GUCY1A2: variants seen among roughly 807,000 people sequenced by gnomAD.
GUCY1A2 encodes the protein guanylate cyclase soluble subunit alpha-2.
Under a neutral mutation model 63.5 loss-of-function variants are expected in GUCY1A2, and 27 were observed. The observed-to-expected ratio is 0.43, with a 90% CI of 0.31 to 0.59. The LOEUF is 0.59. GUCY1A2 is among the 20% of genes least tolerant of loss of function. The pLI is 0.11. For missense variants in GUCY1A2, 768 were observed against 913.3 expected (o/e 0.84, Z 2.05); for synonymous variants, 364 against 343.5 (o/e 1.06, Z -0.66).
intron 3 of GUCY1A2, among the ~76,000 whole-genome samples, chr11:106,970,037 G>A (rs768348030): frequency 1.2e-4 from 18 of 152,178 alleles, no homozygotes; most frequent in Admixed American, 6.5e-4. Flanking sequence ...AGAAATTTGA[G>A]AATTTTGTTA....
At chr11:106,772,647 A>G (rs1216764111) in intron 6 of GUCY1A2, among the ~76,000 whole-genome samples, 32 of 152,188 alleles carry the variant, frequency 2.1e-4, no homozygotes, top group Non-Finnish European at 1.0e-4. Context: ...AAATCCCACA[A>G]ATGAAAATAT....
intron 3 of GUCY1A2, among the ~76,000 whole-genome samples, chr11:106,970,228 A>G (rs1335737466): frequency 6.6e-6 from 1 of 152,152 alleles, no homozygotes; most frequent in Non-Finnish European, 1.5e-5. Flanking sequence ...CCTGTTGGTT[A>G]TATCACCTCA....
chr11:107,004,343 G>C (rs949075817), intron 1 of GUCY1A2, among the ~76,000 whole-genome samples: 1 of 152,188 alleles, frequency 6.6e-6, no homozygotes, highest in African/African-American at 2.4e-5. Context: ...ATTTTCCTAT[G>C]AGATTTTGAA....
chr11:106,862,031 T>C (rs1161290689), intron 4 of GUCY1A2, among the ~76,000 whole-genome samples: 1 of 151,908 alleles, frequency 6.6e-6, no homozygotes, highest in East Asian at 1.9e-4. Flanking sequence ...AAATGAAAAA[T>C]GCAAAATTAT....
chr11:106,799,161 A>G (rs575653286), intron 5 of GUCY1A2, among the ~76,000 whole-genome samples: 123 of 152,326 alleles, frequency 8.1e-4, no homozygotes, highest in Admixed American at 3.3e-3. Flanking sequence ...TTCAAAGAGA[A>G]TAAAATACCT....
chr11:106,843,036 G>T (rs1290224709), intron 4 of GUCY1A2, among the ~76,000 whole-genome samples: 1 of 151,692 alleles, frequency 6.6e-6, no homozygotes, highest in Non-Finnish European at 1.5e-5. Flanking sequence ...GGGAGAAAAA[G>T]GTTCTATTTA....
In GUCY1A2 at chr11:106,698,406, G is replaced by T. The variant is rs567891943; in HGVS notation, c.1991+10106C>A. Among the ~76,000 whole-genome samples the T allele has an allele frequency of 3.9e-5, 6 of 151,964 alleles. No individual in the cohort carries two copies. The South Asian group carries it at 1.2e-3, about 32-fold the overall frequency. On this transcript the variant is annotated intron_variant, in intron 7 of 7. Transcript: ENST00000526355. Reference sequence around the variant, plus strand: ...CAAAATGCTAGGATTGCAGGCATGAGCCACTGTGCCTGGTCTGGATGTCAG... The same window carrying T: ...CAAAATGCTAGGATTGCAGGCATGATCCACTGTGCCTGGTCTGGATGTCAG...
intron 4 of GUCY1A2, among the ~76,000 whole-genome samples, chr11:106,925,604 TA>T (rs1384467586): frequency 1.3e-5 from 2 of 152,194 alleles, no homozygotes. Flanking sequence ...CATTTTATAC[TA>T]AAAATAAAGA....
At chr11:106,842,483 T>G (rs1044465589) in intron 4 of GUCY1A2, among the ~76,000 whole-genome samples, 1 of 152,046 alleles carries the variant, frequency 6.6e-6, no homozygotes, top group Admixed American at 6.6e-5. Context: ...GCATTCTATA[T>G]TCCTATATTT....
Position 107,018,065 on chromosome 11 carries a change from G to A in GUCY1A2, c.-10C>T. The A allele has an allele frequency of 7.0e-7, 1 of 1,438,786 alleles. No individual in the cohort carries two copies. The highest frequency in any genetic ancestry group is 9.2e-7 in the Non-Finnish European group (1 of 1,083,144). 89.1% of individuals were successfully genotyped at this position (1,438,786 alleles called of 1,614,324 possible). ...TCTTCCTTCGAGACATGCTGCCGGCGGAGCTGCAGCGGCCGAGGCGGTGGC... is the reference window on the plus strand; with the variant it reads ...TCTTCCTTCGAGACATGCTGCCGGCAGAGCTGCAGCGGCCGAGGCGGTGGC... On this transcript the variant is annotated 5_prime_UTR_variant, in exon 1 of 8. Transcript: ENST00000526355.
intron 3 of GUCY1A2, among the ~76,000 whole-genome samples, chr11:106,952,406 T>C (rs1254395160): frequency 6.6e-6 from 1 of 152,192 alleles, no homozygotes; most frequent in Non-Finnish European, 1.5e-5. Context: ...ATGTCTTCTC[T>C]TATTTCCTTG....
chr11:106,737,556 A>G (rs1200246147), intron 6 of GUCY1A2, among the ~76,000 whole-genome samples: 3 of 151,880 alleles, frequency 2.0e-5, no homozygotes, highest in African/African-American at 7.3e-5. Flanking sequence ...CTAGCTCCCC[A>G]CCCTCACAAC....
At chr11:106,997,921 A>C (rs1194970033) in intron 1 of GUCY1A2, among the ~76,000 whole-genome samples, 3 of 152,134 alleles carry the variant, frequency 2.0e-5, no homozygotes, top group African/African-American at 7.2e-5. Flanking sequence ...TCTGTAGGGA[A>C]AGTATGTATC....
intron 6 of GUCY1A2, among the ~76,000 whole-genome samples, chr11:106,713,313 G>C (rs910589791): frequency 6.6e-6 from 1 of 152,054 alleles, no homozygotes; most frequent in Non-Finnish European, 1.5e-5. Flanking sequence ...GCTGGAAGCA[G>C]AAGTGAGACC....
At chr11:106,884,797 A>G (rs1170889686) in intron 4 of GUCY1A2, among the ~76,000 whole-genome samples, 1 of 152,162 alleles carries the variant, frequency 6.6e-6, no homozygotes, top group Admixed American at 6.6e-5. Flanking sequence ...AAGACACTTC[A>G]TATCAGAGTA....
At chr11:106,763,946 T>G (rs1032309608) in intron 6 of GUCY1A2, among the ~76,000 whole-genome samples, 3 of 152,128 alleles carry the variant, frequency 2.0e-5, no homozygotes, top group Non-Finnish European at 4.4e-5. Flanking sequence ...AATATGCCTT[T>G]TGGATTCTCT....
intron 4 of GUCY1A2, among the ~76,000 whole-genome samples, chr11:106,817,435 T>G (rs760582346): frequency 1.3e-5 from 2 of 152,062 alleles, no homozygotes; most frequent in Non-Finnish European, 2.9e-5. Flanking sequence ...TCCTTGACAT[T>G]GCTCTGAACA....
At chr11:106,857,055 C>T (rs1189123914) in intron 4 of GUCY1A2, among the ~76,000 whole-genome samples, 1 of 152,182 alleles carries the variant, frequency 6.6e-6, no homozygotes, top group Non-Finnish European at 1.5e-5. Flanking sequence ...TATGTCCAAA[C>T]CTAGCATTAA....
At chr11:106,960,934 C>T (rs972893269) in intron 3 of GUCY1A2, among the ~76,000 whole-genome samples, 8 of 151,840 alleles carry the variant, frequency 5.3e-5, no homozygotes, top group African/African-American at 1.5e-4. Context: ...AGAGATTAGA[C>T]GATATTAGTG....
Sources: gnomAD v4.1 joint callset for allele counts (sites outside exome capture counted in the v4.1 genomes callset) on GRCh38, gnomAD v4.1.1 for gene constraint, MANE v1.5 for transcripts, NCBI Gene and HGNC (gene_info 2026-07-23, HGNC 2026-07-21) for gene names.